Variants in PCDH15 observed in about 807,000 individuals in gnomAD.
PCDH15 encodes the protein protocadherin related 15.
PCDH15 carries 129 observed loss-of-function variants against 178.5 expected under a neutral mutation model. The observed-to-expected ratio is 0.72, with a 90% confidence interval of 0.63 to 0.84. The LOEUF is 0.84. PCDH15 is among the 40% of genes least tolerant of loss of function. The probability of loss-of-function intolerance (pLI) is 0.00; values close to 1 mark genes in which losing one functional copy is unlikely to be tolerated. For synonymous variants in PCDH15, 800 were observed against 732.0 expected, an observed-to-expected ratio of 1.09 and a Z score of -1.50; for missense variants, 2,230 against 2,099.9, an observed-to-expected ratio of 1.06 and a Z score of -1.21.
intron 13 of PCDH15, among the ~76,000 whole-genome samples, chr10:54,169,631 C>T (rs183436588): frequency 8.0e-5 from 12 of 149,592 alleles, no homozygotes; most frequent in East Asian, 2.0e-4. Context: ...CTCTTGTATC[C>T]CCCCACCTTA....
intron 8 of PCDH15, among the ~76,000 whole-genome samples, chr10:54,239,335 A>C (rs1204834839): frequency 1.3e-5 from 2 of 151,874 alleles, no homozygotes; most frequent in Non-Finnish European, 2.9e-5. Flanking sequence ...TAAAAACTAA[A>C]AGTAACACAT....
At chr10:54,756,087 A>ACACACACACACT (rs1344143225) in intron 1 of PCDH15, among the ~76,000 whole-genome samples, 1 of 150,126 alleles carries the variant, frequency 6.7e-6, no homozygotes, top group East Asian at 2.0e-4. Context: ...ACACACACAC[A>ACACACACACACT]CACACACACA....
At chr10:54,992,724 C>T (rs1306430389) in intron 2 of PCDH15, among the ~76,000 whole-genome samples, 1 of 150,010 alleles carries the variant, frequency 6.7e-6, no homozygotes, top group African/African-American at 2.5e-5. Flanking sequence ...CACTGCACTC[C>T]AGCCTGGGCG....
At chr10:54,682,944 T>C (rs985192160) in intron 1 of PCDH15, among the ~76,000 whole-genome samples, 46 of 152,240 alleles carry the variant, frequency 3.0e-4, no homozygotes, top group African/African-American at 1.1e-3. Flanking sequence ...AATTGCTTAA[T>C]ATGGAAGTGT....
At chr10:54,867,156 A>G (rs1953957009) in intron 3 of PCDH15, among the ~76,000 whole-genome samples, 1 of 152,146 alleles carries the variant, frequency 6.6e-6, no homozygotes, top group Admixed American at 6.6e-5. Flanking sequence ...AATATCAGGC[A>G]GCTAATTTTG....
At chr10:53,917,858 T>C (rs758599346) in intron 25 of PCDH15, among the ~76,000 whole-genome samples, 2 of 152,058 alleles carry the variant, frequency 1.3e-5, no homozygotes, top group Non-Finnish European at 2.9e-5. Context: ...GATGAGAGAT[T>C]TCTCACTCTG....
At chr10:54,983,411 G>A (rs1839289060) in intron 2 of PCDH15, among the ~76,000 whole-genome samples, 1 of 152,034 alleles carries the variant, frequency 6.6e-6, no homozygotes, top group South Asian at 2.1e-4. Context: ...AATGTATGCT[G>A]ACAGTAAATG....
At chr10:54,492,131 G>A (rs1436484695) in intron 3 of PCDH15, among the ~76,000 whole-genome samples, 1 of 152,120 alleles carries the variant, frequency 6.6e-6, no homozygotes, top group African/African-American at 2.4e-5. Flanking sequence ...AGAATTCAAG[G>A]TGAAACACAT....
chr10:55,403,671 T>C lies in PCDH15; in HGVS notation c.-156+223954A>G, dbSNP rs75309144. Among the ~76,000 whole-genome samples, 1,203 of 152,114 alleles carry C rather than the reference T, an allele frequency of 7.9e-3. 15 individuals are homozygous for C. The highest frequency in any genetic ancestry group is 0.026 in the African/African-American group (1,081 of 41,544). On this transcript the variant is annotated intron_variant, in intron 2 of 5. Transcript: ENST00000613346. ...TCAGCACCTTTGTTTAGGTTCTCTA[T>C]TGGTCTAGGTGTCTGTTTTTATAGC...
At chr10:55,625,727 T>C (rs1306076455) in intron 2 of PCDH15, among the ~76,000 whole-genome samples, 1 of 152,190 alleles carries the variant, frequency 6.6e-6, no homozygotes, top group Non-Finnish European at 1.5e-5. Flanking sequence ...CTCATGCAGA[T>C]TTAAGATAAG....
chr10:55,077,994 T>C (rs568964271), intron 2 of PCDH15, among the ~76,000 whole-genome samples: 9 of 152,340 alleles, frequency 5.9e-5, no homozygotes, highest in African/African-American at 2.2e-4. Flanking sequence ...TCAGCATTTC[T>C]TGTAGGACTG....
rs374665333 is a variant in PCDH15, at chr10:54,116,811, T to A, written c.1917+16064A>T. Among the ~76,000 whole-genome samples the A allele has an allele frequency of 1.1e-3, 161 of 152,346 alleles. 1 individual carries two copies. The highest frequency in any genetic ancestry group is 2.0e-3 in the Non-Finnish European group (134 of 68,036). ...AAAGTGATTTGACAGTAATTTTATATATGTTGAATCTAACAGTTAAAATGG... is the reference window on the plus strand; with the variant it reads ...AAAGTGATTTGACAGTAATTTTATAAATGTTGAATCTAACAGTTAAAATGG... On this transcript the variant is annotated intron_variant, in intron 15 of 37. Coordinates refer to ENST00000644397, the MANE Select transcript of PCDH15 (RefSeq NM_001384140.1).
intron 2 of PCDH15, among the ~76,000 whole-genome samples, chr10:54,906,274 C>T (rs1219262144): frequency 9.2e-5 from 14 of 152,106 alleles, no homozygotes; most frequent in Admixed American, 7.9e-4. Context: ...TGACTATTCT[C>T]TCTGAATATT....
At chr10:55,400,394 A>T (rs1386207741) in intron 2 of PCDH15, among the ~76,000 whole-genome samples, 1 of 152,172 alleles carries the variant, frequency 6.6e-6, no homozygotes, top group Non-Finnish European at 1.5e-5. Context: ...ACTAAAGGTC[A>T]TGTGATTGTT....
At chr10:53,970,766 A>G (rs192874155) in intron 21 of PCDH15, among the ~76,000 whole-genome samples, 2,429 of 152,256 alleles carry the variant, frequency 0.016, 65 homozygotes, top group African/African-American at 0.055. Context: ...GAATAGACCA[A>G]TAACAGGCTC....
At chr10:54,149,287 G>A (rs1590797675) in intron 14 of PCDH15, among the ~76,000 whole-genome samples, 1 of 151,936 alleles carries the variant, frequency 6.6e-6, no homozygotes, top group East Asian at 1.9e-4. Flanking sequence ...TGTATTTTGG[G>A]GGCTTTCAAA....
chr10:54,674,124 T>C (rs1437117861), intron 1 of PCDH15, among the ~76,000 whole-genome samples: 1 of 152,204 alleles, frequency 6.6e-6, no homozygotes, highest in Non-Finnish European at 1.5e-5. Flanking sequence ...CAACATTCTA[T>C]ACATATAACT....
chr10:54,150,215 A>AT (rs1462437268), intron 14 of PCDH15, among the ~76,000 whole-genome samples: 2 of 152,058 alleles, frequency 1.3e-5, no homozygotes, highest in East Asian at 1.9e-4. Context: ...CGTTATAATT[A>AT]TTTTTTGACA....
At chr10:54,443,199 G>A (rs1377070949) in intron 3 of PCDH15, among the ~76,000 whole-genome samples, 1 of 151,322 alleles carries the variant, frequency 6.6e-6, no homozygotes, top group Non-Finnish European at 1.5e-5. Context: ...CTTTGCCTAT[G>A]TACACCATCT....
Sources: allele counts gnomAD v4.1 joint callset (sites outside exome capture counted in the v4.1 genomes callset), GRCh38; gene constraint gnomAD v4.1.1; transcripts MANE v1.5; gene names NCBI Gene and HGNC (gene_info 2026-07-23, HGNC 2026-07-21).